TOM1L2: variants seen among roughly 807,000 people sequenced by gnomAD.
The protein encoded by TOM1L2 is TOM1-like protein 2.
In TOM1L2, 31 loss-of-function variants were observed where a neutral mutation model predicts 67.9. The observed-to-expected ratio is 0.46, with a 90% CI of 0.34 to 0.62. The LOEUF is 0.62. Among genes scored for constraint, TOM1L2 ranks in the 20% least tolerant of loss-of-function variants. TOM1L2 has a pLI of 0.01. For synonymous variants in TOM1L2, 256 were observed against 254.0 expected (o/e 1.01, Z -0.07); for missense variants, 606 against 663.5 (o/e 0.91, Z 0.95).
chr17:17,886,360 C>T (rs748785968), intron 4 of TOM1L2, among the ~76,000 whole-genome samples: 6 of 152,268 alleles, frequency 3.9e-5, no homozygotes, highest in Non-Finnish European at 7.3e-5. Context: ...GGCCAACACT[C>T]CTTCTGGATT....
intron 1 of TOM1L2, among the ~76,000 whole-genome samples, chr17:17,912,366 G>A (rs868304002): frequency 0.017 from 2,578 of 148,610 alleles, 36 homozygotes; most frequent in African/African-American, 0.06. Flanking sequence ...GCTGCCGGGC[G>A]GAGAGGCTCC....
At position 17,907,427 on chromosome 17, in the gene TOM1L2, G is replaced by A; in HGVS notation, c.137+20C>T. The A allele has an allele frequency of 6.2e-7, 1 of 1,612,630 alleles. No homozygotes were observed. The highest frequency in any genetic ancestry group is 8.5e-7 in the Non-Finnish European group (1 of 1,179,030). ...CCTAAAAGCTCAGAGAGGCTTCCCA[G>A]GAGAGGGGGGCACACGTACCCTTCC... is the stretch of plus-strand genomic sequence containing the variant. On this transcript the variant is annotated intron_variant, in intron 2 of 14. Coordinates refer to ENST00000379504, the MANE Select transcript of TOM1L2 (RefSeq NM_001082968.2).
intron 1 of TOM1L2, among the ~76,000 whole-genome samples, chr17:17,968,646 T>G (rs1199779586): frequency 1.4e-5 from 2 of 141,566 alleles, no homozygotes. Flanking sequence ...GCCTGGGTGA[T>G]GAAGTGAGAC....
At chr17:17,915,936 T>G (rs1568265802) in intron 1 of TOM1L2, among the ~76,000 whole-genome samples, 1 of 151,948 alleles carries the variant, frequency 6.6e-6, no homozygotes, top group Non-Finnish European at 1.5e-5. Context: ...TTCACTCTCT[T>G]GATTGTATCT....
intron 12 of TOM1L2, among the ~76,000 whole-genome samples, chr17:17,856,708 C>T (rs565098824): frequency 6.6e-6 from 1 of 152,358 alleles, no homozygotes; most frequent in East Asian, 1.9e-4. Flanking sequence ...TTCTCTCCAG[C>T]TCAGGCTCCA....
At chr17:17,907,669 T>C in intron 1 of TOM1L2, 138 bp from the exon 2 acceptor site, 2 of 688,774 alleles carry the variant, frequency 2.9e-6, no homozygotes, top group Non-Finnish European at 4.9e-6. Context: ...CTAGGAGTGC[T>C]ATTATCACAA....
intron 1 of TOM1L2, among the ~76,000 whole-genome samples, chr17:17,944,488 T>C (rs922145610): frequency 2.0e-5 from 3 of 152,212 alleles, no homozygotes; most frequent in Non-Finnish European, 1.5e-5. Flanking sequence ...CTAAAGAATA[T>C]TTATGATCCG....
At chr17:17,895,335 C>T (rs890052559) in intron 3 of TOM1L2, among the ~76,000 whole-genome samples, 1 of 152,160 alleles carries the variant, frequency 6.6e-6, no homozygotes, top group African/African-American at 2.4e-5. Flanking sequence ...CTCATTTGCC[C>T]AAACTAATCC....
chr17:17,895,460 C>A (rs118075439), intron 3 of TOM1L2, among the ~76,000 whole-genome samples: 3 of 152,172 alleles, frequency 2.0e-5, no homozygotes, highest in Non-Finnish European at 4.4e-5. Context: ...TGACTGAATG[C>A]GACTATATGC....
chr17:17,926,177 A>G (rs924821823), intron 1 of TOM1L2, among the ~76,000 whole-genome samples: 7 of 129,196 alleles, frequency 5.4e-5, no homozygotes, highest in Admixed American at 3.0e-4. Context: ...TCTCTTGGAG[A>G]AAAAAAAAAA....
chr17:17,893,442 A>G (rs2038394062), intron 4 of TOM1L2, among the ~76,000 whole-genome samples: 1 of 152,238 alleles, frequency 6.6e-6, no homozygotes, highest in African/African-American at 2.4e-5. Flanking sequence ...TGGCACCCAG[A>G]AAGCTTCAGG....
chr17:17,963,740 G>A (rs577746773), intron 1 of TOM1L2, among the ~76,000 whole-genome samples: 20 of 152,268 alleles, frequency 1.3e-4, no homozygotes, highest in African/African-American at 4.8e-4. Flanking sequence ...AAGGTCACAA[G>A]GAAACAGAAA....
In TOM1L2 at chr17:17,869,115, C is replaced by A. The variant is rs74912104; in HGVS notation, c.911+225G>T. The A allele has an allele frequency of 5.5e-3, 4,139 of 758,130 alleles. 71 individuals carry two copies. Among genetic ancestry groups the A allele is most frequent in the African/African-American group, 0.041 (2,328 of 56,448 alleles). 47.0% of individuals were successfully genotyped at this position (758,130 alleles called of 1,614,324 possible). ...AGCCTGAGGCTTACAAAGGGCAGAGCCTAATTCTGCACGTCAACTTCCTGC... is the reference window on the plus strand; with the variant it reads ...AGCCTGAGGCTTACAAAGGGCAGAGACTAATTCTGCACGTCAACTTCCTGC... On this transcript the variant is annotated intron_variant, in intron 8 of 14. Coordinates refer to ENST00000379504, the MANE Select transcript of TOM1L2 (RefSeq NM_001082968.2).
intron 1 of TOM1L2, among the ~76,000 whole-genome samples, chr17:17,922,029 A>G (rs1012344146): frequency 6.6e-6 from 1 of 152,092 alleles, no homozygotes; most frequent in African/African-American, 2.4e-5. Context: ...GGATTATCCA[A>G]AGACTTCCCA....
At chr17:17,865,304 T>C (rs1189091551) in intron 10 of TOM1L2, among the ~76,000 whole-genome samples, 6 of 152,256 alleles carry the variant, frequency 3.9e-5, no homozygotes, top group Non-Finnish European at 2.9e-5. Flanking sequence ...TAAGCCCTGA[T>C]GTGGCTTCAG....
intron 2 of TOM1L2, among the ~76,000 whole-genome samples, chr17:17,902,938 G>GAAGT (rs140557624): frequency 0.025 from 3,766 of 152,270 alleles, 129 homozygotes; most frequent in African/African-American, 0.08. Context: ...ACAGGGAGAT[G>GAAGT]AAGTAACTCA....
chr17:17,953,652 T>C (rs1310578024), intron 1 of TOM1L2, among the ~76,000 whole-genome samples: 2 of 152,226 alleles, frequency 1.3e-5, no homozygotes, highest in Non-Finnish European at 2.9e-5. Context: ...CTGACCTCAC[T>C]GACCTGCCCC....
At chr17:17,917,200 C>T (rs376559843) in intron 1 of TOM1L2, among the ~76,000 whole-genome samples, 27 of 151,698 alleles carry the variant, frequency 1.8e-4, no homozygotes, top group African/African-American at 3.9e-4. Context: ...GGCGTGGTGG[C>T]GCACACCTGT....
At chr17:17,920,918 A>G (rs2039838417) in intron 1 of TOM1L2, among the ~76,000 whole-genome samples, 1 of 152,212 alleles carries the variant, frequency 6.6e-6, no homozygotes, top group Admixed American at 6.5e-5. Context: ...TACAGGTGTG[A>G]GCCACCGTTG....
Sources: allele counts gnomAD v4.1 joint callset (sites outside exome capture counted in the v4.1 genomes callset), GRCh38; gene constraint gnomAD v4.1.1; transcripts MANE v1.5; gene names NCBI Gene and HGNC (gene_info 2026-07-23, HGNC 2026-07-21).